The following ASXL2 variants were observed in gnomAD, a reference collection of about 807,000 sequenced individuals.
The protein encoded by ASXL2 is putative Polycomb group protein ASXL2.
In ASXL2, 23 loss-of-function variants were observed where a neutral mutation model predicts 122.0. That is an observed-to-expected ratio of 0.19 (90% confidence interval 0.14 to 0.27). The LOEUF (loss-of-function observed/expected upper bound fraction) is 0.27, where lower values mean the gene tolerates loss of function less well. Among genes scored for constraint, ASXL2 ranks in the 10% least tolerant of loss-of-function variants. The pLI, the probability that ASXL2 is intolerant of heterozygous loss-of-function variation, is 1.00. For synonymous variants in ASXL2, 650 were observed against 637.0 expected (o/e 1.02, Z -0.31); for missense variants, 1,518 against 1,713.8 (o/e 0.89, Z 2.02).
intron 2 of ASXL2, among the ~76,000 whole-genome samples, chr2:25,842,781 T>C (rs1036622513): frequency 1.7e-4 from 21 of 125,764 alleles, no homozygotes; most frequent in African/African-American, 7.2e-4. Flanking sequence ...TGTGTGTGTG[T>C]GTGTGTGTGT....
At chr2:25,831,108 T>C (rs1297877319) in intron 3 of ASXL2, among the ~76,000 whole-genome samples, 1 of 151,996 alleles carries the variant, frequency 6.6e-6, no homozygotes, top group Non-Finnish European at 1.5e-5. Context: ...TCACTTGAGG[T>C]CAGGAGTTCG....
In ASXL2 at chr2:25,734,113, T is replaced by C. The variant is rs998665311; in HGVS notation, c.*7916A>G. 18 of 152,120 alleles carry C rather than the reference T, an allele frequency of 1.2e-4. No individual in the cohort carries two copies. Among genetic ancestry groups the C allele is most frequent in the African/African-American group, 4.3e-4 (18 of 41,428 alleles). The allele number at this position is 152,120 out of a possible 1,614,324, so 9.4% of individuals were successfully genotyped here. On this transcript the variant is annotated 3_prime_UTR_variant, in exon 13 of 13. Transcript: ENST00000435504. ...CTTACAGCTAAGTGTTTTTTTTTCT[T>C]TCAAATTTCTAGAGTTTCATTTGTT...
intron 1 of ASXL2, among the ~76,000 whole-genome samples, chr2:25,855,325 G>A (rs1288098302): frequency 3.3e-5 from 5 of 152,076 alleles, no homozygotes; most frequent in African/African-American, 7.2e-5. Flanking sequence ...TGGGTGGATT[G>A]CTTTGAGCCC....
chr2:25,876,558 T>C (rs541559861), intron 1 of ASXL2, among the ~76,000 whole-genome samples: 28 of 152,312 alleles, frequency 1.8e-4, no homozygotes, highest in Admixed American at 7.8e-4. Context: ...GAACTTAAAA[T>C]TAATTAGCAT....
intron 3 of ASXL2, among the ~76,000 whole-genome samples, chr2:25,829,012 CA>C (rs2089416241): frequency 1.3e-5 from 2 of 152,162 alleles, no homozygotes; most frequent in South Asian, 4.1e-4. Flanking sequence ...AAAGATTAAA[CA>C]GACCATGTGA....
intron 9 of ASXL2, among the ~76,000 whole-genome samples, chr2:25,756,940 A>C (rs934282299): frequency 1.3e-5 from 2 of 152,234 alleles, no homozygotes; most frequent in Non-Finnish European, 2.9e-5. Flanking sequence ...TCTCTACTTG[A>C]GTATTACAGT....
intron 5 of ASXL2, among the ~76,000 whole-genome samples, chr2:25,773,938 G>A (rs942053526): frequency 2.0e-5 from 3 of 151,934 alleles, no homozygotes; most frequent in Admixed American, 6.6e-5. Context: ...GCTGAGGCAG[G>A]AGAATCACTT....
chr2:25,835,141 A>T (rs2089494298), intron 3 of ASXL2, among the ~76,000 whole-genome samples: 1 of 152,100 alleles, frequency 6.6e-6, no homozygotes, highest in African/African-American at 2.4e-5. Context: ...CCAATATTTT[A>T]TCTAAATTAA....
At chr2:25,823,351 T>C (rs2089334552) in intron 3 of ASXL2, among the ~76,000 whole-genome samples, 1 of 152,180 alleles carries the variant, frequency 6.6e-6, no homozygotes, top group South Asian at 2.1e-4. Flanking sequence ...TTATAGAACA[T>C]GGATTCAAAA....
At chr2:25,756,277 A>G (rs565719377) in intron 9 of ASXL2, among the ~76,000 whole-genome samples, 163 bp from the exon 10 acceptor site, 2 of 152,126 alleles carry the variant, frequency 1.3e-5, no homozygotes, top group East Asian at 1.9e-4. Context: ...ATTTAATGTA[A>G]TATCACTTTG....
chr2:25,759,370 A>T, intron 9 of ASXL2, 112 bp downstream of exon 9: 4 of 1,190,300 alleles, frequency 3.4e-6, no homozygotes, highest in Non-Finnish European at 4.6e-6. Context: ...AAACCTGCCT[A>T]TTAAGAAACT....
chr2:25,767,427 A>G (rs1483658076), intron 8 of ASXL2, among the ~76,000 whole-genome samples, 156 bp downstream of exon 8: 1 of 152,272 alleles, frequency 6.6e-6, no homozygotes, highest in Non-Finnish European at 1.5e-5. Context: ...ATTTCTTAAC[A>G]GTAATTATGT....
chr2:25,751,852 G>A (rs530415628), intron 11 of ASXL2, among the ~76,000 whole-genome samples: 96 of 151,872 alleles, frequency 6.3e-4, no homozygotes, highest in Non-Finnish European at 1.2e-3. Flanking sequence ...CGTAATCTTG[G>A]TCACTGCAAC....
rs746964207 is a variant in ASXL2 at position 25,767,678 on chromosome 2, T to C, written c.680A>G (p.Asn227Ser). Residue 227 changes from asparagine to serine, a missense_variant, in exon 8 of 13, where the codon AAC becomes AGC. Asn to Ser is a conservative substitution (Grantham distance 46). Coordinates refer to ENST00000435504, the MANE Select transcript of ASXL2 (RefSeq NM_018263.6). ...TGAGGAAGAAAAGCTGGAGTTTGAG[T>C]TTTGAGGGCTGCCTGTCTGTCCATC... ...QSDGQTGSPQ[N>S]SNSSFSSSVK... The C allele has an allele frequency of 1.9e-6, 3 of 1,613,916 alleles. No homozygotes were observed. The highest frequency in any genetic ancestry group is 2.5e-6 in the Non-Finnish European group (3 of 1,179,844).
intron 5 of ASXL2, among the ~76,000 whole-genome samples, chr2:25,798,376 C>A (rs754103010): frequency 6.6e-6 from 1 of 152,090 alleles, no homozygotes; most frequent in Non-Finnish European, 1.5e-5. Context: ...CACAGAGGAA[C>A]CTTAAATGCA....
rs747330568 is a variant in ASXL2, at chr2:25,757,266, A to G, written c.940-1152T>C. On this transcript the variant is annotated intron_variant, in intron 9 of 12. Transcript: ENST00000435504. ...AATCGAAATTCTATATTCTCTACACATAAGGACAATGTTACTCAGATTACT... is the reference window on the plus strand; with the variant it reads ...AATCGAAATTCTATATTCTCTACACGTAAGGACAATGTTACTCAGATTACT... Among the ~76,000 whole-genome samples the G allele has an allele frequency of 2.0e-5, 3 of 152,066 alleles. No homozygotes were observed. The South Asian group carries it at 6.2e-4, about 32-fold the overall frequency.
intron 5 of ASXL2, among the ~76,000 whole-genome samples, chr2:25,781,328 G>A (rs2088633567): frequency 1.3e-5 from 2 of 152,038 alleles, no homozygotes; most frequent in African/African-American, 4.8e-5. Context: ...GAACCCGAGA[G>A]GCAGAGGTTG....
Position 25,743,676 on chromosome 2 carries a change from T to C in ASXL2, c.2661A>G (p.Leu887=), listed in dbSNP as rs1172674544. ...SVPVAVTPSP[L]TSLLTTATLE... is the part of the protein sequence containing the mutation. Reference sequence around the variant, plus strand: ...AAGTGGCTGTGGTCAATAAAGATGTTAAAGGGGAGGGAGTTACAGCCACTG... The same window carrying C: ...AAGTGGCTGTGGTCAATAAAGATGTCAAAGGGGAGGGAGTTACAGCCACTG... Residue 887 remains leucine (L), a synonymous_variant, in exon 13 of 13, where the codon TTA becomes TTG. Transcript: ENST00000435504. 6.2e-7 allele frequency: 1 copy of C among 1,613,918 alleles called. No homozygotes were observed. Among genetic ancestry groups the C allele is most frequent in the Admixed American group, 1.7e-5 (1 of 60,010 alleles).
intron 1 of ASXL2, among the ~76,000 whole-genome samples, chr2:25,866,219 C>T (rs910051898): frequency 6.6e-6 from 1 of 151,676 alleles, no homozygotes; most frequent in South Asian, 2.1e-4. Context: ...CAACCTCTGC[C>T]TCCTGGGTTC....
Sources: gnomAD v4.1 joint callset for allele counts (sites outside exome capture counted in the v4.1 genomes callset) on GRCh38, gnomAD v4.1.1 for gene constraint, MANE v1.5 for transcripts, NCBI Gene and HGNC (gene_info 2026-07-23, HGNC 2026-07-21) for gene names.